PADI4: variants seen among roughly 807,000 people sequenced by gnomAD.
PADI4 encodes peptidyl arginine deiminase 4, also known as protein-arginine deiminase type-4.
PADI4 carries 62 observed loss-of-function variants against 75.0 expected under a neutral mutation model. The ratio of observed to expected loss-of-function variants is 0.83; its 90% CI spans 0.67 to 1.02. The LOEUF (loss-of-function observed/expected upper bound fraction) is 1.02. Among genes scored for constraint, PADI4 ranks in the 50% least tolerant of loss-of-function variants. The pLI is 0.00. For missense variants in PADI4, 845 were observed against 850.5 expected, an observed-to-expected ratio of 0.99 and a Z score of 0.08; for synonymous variants, 361 against 348.1, an observed-to-expected ratio of 1.04 and a Z score of -0.41.
intron 1 of PADI4, among the ~76,000 whole-genome samples, chr1:17,316,773 A>C (rs957651890): frequency 3.9e-5 from 6 of 152,064 alleles, no homozygotes; most frequent in Non-Finnish European, 7.4e-5. Context: ...GCCCAAAAAC[A>C]ACCCCCCCAC....
Position 17,352,018 on chromosome 1 carries a change from C to T in PADI4, c.1156-2515C>T, listed in dbSNP as rs1156895074. Reference sequence around the variant, plus strand: ...GTCAGGGAGGTGATGGGAGGAGAGGCGGCCAGGGAGGTGATGGGAGGAGAG... The same window carrying T: ...GTCAGGGAGGTGATGGGAGGAGAGGTGGCCAGGGAGGTGATGGGAGGAGAG... On this transcript the variant is annotated intron_variant, in intron 10 of 15. Coordinates refer to ENST00000375448, the MANE Select transcript of PADI4 (RefSeq NM_012387.3). Among the ~76,000 whole-genome samples, 49 of 10,060 alleles carry T rather than the reference C, an allele frequency of 4.9e-3. 4 individuals carry two copies. Among genetic ancestry groups the T allele is most frequent in the African/African-American group, 0.02 (30 of 1,496 alleles). 6.6% of individuals were successfully genotyped at this position (10,060 alleles called of 152,430 possible).
rs2074510014 is a variant in PADI4 at position 17,346,090 on chromosome 1, A to G, written c.998A>G (p.Lys333Arg). ...ACTCTGGCCATGAAAGCCAAGTGCA[A>G]GCTGACCATCTGCCCTGAGGAGGAG... Reference protein sequence around the residue: ...VTTLAMKAKCKLTICPEEENM... With the variant: ...VTTLAMKAKCRLTICPEEENM... The change falls in exon 9 of 16, where the codon AAG (lysine) becomes AGG (arginine). Residue 333 changes from lysine to arginine, a missense_variant. Coordinates refer to ENST00000375448, the MANE Select transcript of PADI4 (RefSeq NM_012387.3). This position sits in a 1 kb window ranked among gnomAD's most constrained non-coding sequence, Gnocchi z 4.3. The G allele has an allele frequency of 1.2e-6, 2 of 1,613,960 alleles. No individual in the cohort carries two copies. The highest frequency in any genetic ancestry group is 2.7e-5 in the African/African-American group (2 of 74,940).
chr1:17,315,728 T>C (rs1339812528), intron 1 of PADI4, among the ~76,000 whole-genome samples: 1 of 151,962 alleles, frequency 6.6e-6, no homozygotes, highest in Non-Finnish European at 1.5e-5. Flanking sequence ...AAGAAAACTT[T>C]CTAAAAATCG....
intron 10 of PADI4, among the ~76,000 whole-genome samples, chr1:17,353,453 C>T (rs1327782231): frequency 6.6e-6 from 1 of 152,094 alleles, no homozygotes; most frequent in Non-Finnish European, 1.5e-5. Context: ...CCTTAAGACC[C>T]ACTCATCTTC....
chr1:17,327,637 G>T (rs1019267407), intron 1 of PADI4, among the ~76,000 whole-genome samples: 1 of 151,792 alleles, frequency 6.6e-6, no homozygotes, highest in Non-Finnish European at 1.5e-5. Context: ...TGCCTCTCGG[G>T]TTCAAGCAAT....
chr1:17,353,835 C>T (rs71644042), intron 10 of PADI4, among the ~76,000 whole-genome samples: 1,901 of 152,244 alleles, frequency 0.012, 20 homozygotes, highest in Middle Eastern at 0.031. Flanking sequence ...GAAAAAGACA[C>T]GGAAATATAA....
chr1:17,345,129 C>T (rs1006640516), intron 8 of PADI4, among the ~76,000 whole-genome samples: 3 of 152,230 alleles, frequency 2.0e-5, no homozygotes, highest in African/African-American at 7.2e-5. Flanking sequence ...GGATGTGAGA[C>T]CTGGAGTCAA....
At chr1:17,337,343 G>A (rs988748287) in intron 4 of PADI4, among the ~76,000 whole-genome samples, 20 of 152,008 alleles carry the variant, frequency 1.3e-4, no homozygotes, top group South Asian at 6.2e-4. Flanking sequence ...ACAGCGTTTC[G>A]CCATGTTGGC....
intron 15 of PADI4, 62 bp from the exon 16 acceptor site, chr1:17,363,460 G>A (rs760589271): frequency 4.8e-5 from 56 of 1,178,444 alleles, no homozygotes; most frequent in Admixed American, 7.6e-5. Flanking sequence ...GGGTGGGGCC[G>A]CTCAGATTGC....
Position 17,358,835 on chromosome 1 carries a change from C to G in PADI4, c.1559-3C>G, listed in dbSNP as rs1240674129. On this transcript the variant is annotated splice_region_variant and splice_polypyrimidine_tract_variant and intron_variant, in intron 13 of 15. Transcript: ENST00000375448. ...GCCTTTTTTTTCTTTTTCTCCATGA[C>G]AGAAAAAAAACAGCAGAAAATAAAG... The G allele has an allele frequency of 3.8e-6, 6 of 1,589,926 alleles. No individual in the cohort carries two copies. Among genetic ancestry groups the G allele is most frequent in the Middle Eastern group, 3.3e-4 (2 of 6,022 alleles).
rs1436359447 is a variant in PADI4 at position 17,350,142 on chromosome 1, C to A, written c.1155+2094C>A. ...ATTTTGTTAAAATCATGGACTCGTT[C>A]ATCTACTTTTCGTTGCCTGCGCTGC... On this transcript the variant is annotated intron_variant, in intron 10 of 15. Coordinates refer to ENST00000375448, the MANE Select transcript of PADI4 (RefSeq NM_012387.3). Among the ~76,000 whole-genome samples, 2 of 128,466 alleles carry A rather than the reference C, an allele frequency of 1.6e-5. 1 individual carries two copies. The highest frequency in any genetic ancestry group is 6.7e-4 in the East Asian group (2 of 2,994). 84.3% of individuals were successfully genotyped at this position (128,466 alleles called of 152,430 possible). A position where few individuals can be genotyped will look rare whatever the true frequency, so the allele number is the denominator to read the frequency against.
At chr1:17,330,138 T>A (rs1297241478) in intron 1 of PADI4, among the ~76,000 whole-genome samples, 1 of 152,164 alleles carries the variant, frequency 6.6e-6, no homozygotes, top group African/African-American at 2.4e-5. Context: ...CATGCCTACA[T>A]CTGTGTGTGT....
chr1:17,316,733 A>T lies in PADI4; in HGVS notation c.92+8419A>T, dbSNP rs1353157923. ...AATTAATTAATTAATTAATTAATTA[A>T]AATAAATAAATAAATAAAATAACAC... On this transcript the variant is annotated intron_variant, in intron 1 of 15. Transcript: ENST00000375448. 9.4e-5 allele frequency among the ~76,000 whole-genome samples: 14 copies of T among 148,490 alleles called. No homozygotes were observed. In the East Asian group the frequency reaches 2.7e-3, roughly 29 times the overall value.
intron 1 of PADI4, among the ~76,000 whole-genome samples, chr1:17,314,989 C>T (rs969446675): frequency 1.3e-5 from 2 of 152,214 alleles, no homozygotes; most frequent in African/African-American, 4.8e-5. Context: ...CAGTGCCACC[C>T]GGGGTGATGA....
chr1:17,362,879 T>C (rs1374149958), intron 15 of PADI4, among the ~76,000 whole-genome samples: 16 of 151,762 alleles, frequency 1.1e-4, no homozygotes, highest in Non-Finnish European at 5.9e-5. Context: ...CAGGCTGGAG[T>C]GTATTGGAAT....
At position 17,341,943 on chromosome 1, in the gene PADI4, G is replaced by T; in HGVS notation, c.653G>T (p.Arg218Leu). ...MDKVRVFQAT[R>L]GKLSSKCSVV... The stretch of plus-strand genomic sequence containing the variant: ...TGAGTCTCCCCTGCCTCTCTCCTAG[G>T]GGGCAAACTGTCCTCCAAGTGCAGC... The change falls in exon 7 of 16, where the codon CGG becomes CTG. Residue 218 changes from arginine to leucine, a missense_variant and splice_region_variant. Coordinates refer to ENST00000375448, the MANE Select transcript of PADI4 (RefSeq NM_012387.3). 6.2e-7 allele frequency: 1 copy of T among 1,613,066 alleles called. No individual in the cohort carries two copies. The highest frequency in any genetic ancestry group is 8.5e-7 in the Non-Finnish European group (1 of 1,179,432).
At chr1:17,353,516 T>C (rs2074703875) in intron 10 of PADI4, among the ~76,000 whole-genome samples, 2 of 152,116 alleles carry the variant, frequency 1.3e-5, no homozygotes, top group African/African-American at 4.8e-5. Flanking sequence ...AGGGAGTTCA[T>C]GGCCCCCATG....
At chr1:17,321,871 G>A (rs2074036452) in intron 1 of PADI4, among the ~76,000 whole-genome samples, 1 of 152,194 alleles carries the variant, frequency 6.6e-6, no homozygotes, top group Non-Finnish European at 1.5e-5. Flanking sequence ...GATATTTAAA[G>A]GAGAAAGGGC....
At chr1:17,329,218 C>T (rs1012491298) in intron 1 of PADI4, among the ~76,000 whole-genome samples, 2 of 150,410 alleles carry the variant, frequency 1.3e-5, no homozygotes, top group Non-Finnish European at 2.9e-5. Flanking sequence ...TCTGTGTATA[C>T]AGGAGGCTGA....
Sources: allele counts gnomAD v4.1 joint callset (sites outside exome capture counted in the v4.1 genomes callset), GRCh38; gene constraint gnomAD v4.1.1; non-coding constraint Gnocchi (gnomAD v3.1); transcripts MANE v1.5; gene names NCBI Gene and HGNC (gene_info 2026-07-23, HGNC 2026-07-21).